Variants in ZDHHC15 observed in about 807,000 individuals in gnomAD.
ZDHHC15 encodes the protein zDHHC palmitoyltransferase 15, also known as palmitoyltransferase ZDHHC15.
Under a neutral mutation model 31.7 loss-of-function variants are expected in ZDHHC15, and 19 were observed. The ratio of observed to expected loss-of-function variants is 0.60; its 90% CI spans 0.42 to 0.88. ZDHHC15 has a LOEUF of 0.88. ZDHHC15 is among the 40% of genes least tolerant of loss of function. The pLI, the probability that ZDHHC15 is intolerant of heterozygous loss-of-function variation, is 0.00. For synonymous variants in ZDHHC15, 103 were observed against 90.0 expected (o/e 1.14, Z -0.82); for missense variants, 209 against 251.2 (o/e 0.83, Z 1.14).
At chrX:75,383,106 T>C (rs2083134453) in intron 10 of ZDHHC15, among the ~76,000 whole-genome samples, 1 of 111,823 alleles carries the variant, frequency 8.9e-6, no homozygotes, top group East Asian at 2.8e-4. Flanking sequence ...GTGGTATAGT[T>C]GTTAAAAGAG....
At chrX:75,494,370 A>G (rs1270473126) in intron 2 of ZDHHC15, among the ~76,000 whole-genome samples, 1 of 111,532 alleles carries the variant, frequency 9.0e-6, no homozygotes, top group Non-Finnish European at 1.9e-5. Flanking sequence ...AAGGTAATTT[A>G]CAGATTCAAT....
At chrX:75,480,677 T>A (rs1210875221) in intron 2 of ZDHHC15, among the ~76,000 whole-genome samples, 2 of 111,299 alleles carry the variant, frequency 1.8e-5, no homozygotes, top group Non-Finnish European at 3.8e-5. Flanking sequence ...CGATACACAC[T>A]GTTTTGTACC....
At chrX:75,479,067 T>C in intron 2 of ZDHHC15, 82 bp from the exon 3 acceptor site, 4 of 608,071 alleles carry the variant, frequency 6.6e-6, no homozygotes, top group Non-Finnish European at 7.3e-6. Context: ...CCATGACGAA[T>C]TTTTATTGTT....
intron 4 of ZDHHC15, 150 bp downstream of exon 4, chrX:75,450,652 A>T (rs1307907593): frequency 5.3e-6 from 6 of 1,134,293 alleles, no homozygotes; most frequent in Non-Finnish European, 5.9e-6. Context: ...TGTGTTTAAA[A>T]TTTTTTAGAA....
intron 2 of ZDHHC15, among the ~76,000 whole-genome samples, chrX:75,499,662 T>C: frequency 8.9e-6 from 1 of 111,859 alleles, no homozygotes; most frequent in Non-Finnish European, 1.9e-5. Context: ...AGGGAACACT[T>C]TTACACTGCT....
At chrX:75,376,869 A>G (rs2083065380) in intron 11 of ZDHHC15, among the ~76,000 whole-genome samples, 1 of 111,591 alleles carries the variant, frequency 9.0e-6, no homozygotes, top group Non-Finnish European at 1.9e-5. Context: ...TTATGGCAAT[A>G]ATTTTTTATA....
intron 9 of ZDHHC15, 39 bp downstream of exon 9, chrX:75,421,825 G>T: frequency 8.3e-7 from 1 of 1,198,877 alleles, no homozygotes; most frequent in Non-Finnish European, 1.1e-6. Context: ...TCAAGGCAGG[G>T]TCCAGTACTA....
intron 2 of ZDHHC15, among the ~76,000 whole-genome samples, chrX:75,503,117 C>T (rs1462078371): frequency 9.1e-6 from 1 of 109,914 alleles, no homozygotes; most frequent in Non-Finnish European, 1.9e-5. Flanking sequence ...TAAATATATA[C>T]ACCTACTATC....
At chrX:75,491,341 T>C (rs200393681) in intron 2 of ZDHHC15, among the ~76,000 whole-genome samples, 4 of 108,168 alleles carry the variant, frequency 3.7e-5, no homozygotes, top group South Asian at 8.4e-4. Context: ...ATGGATGAAA[T>C]TGGAAATCAT....
chrX:75,391,573 G>A (rs767293450), intron 10 of ZDHHC15, among the ~76,000 whole-genome samples: 125 of 112,056 alleles, frequency 1.1e-3, no homozygotes, highest in African/African-American at 3.9e-3. Flanking sequence ...TTAAAGTGTT[G>A]AAGGAATAAA....
intron 3 of ZDHHC15, among the ~76,000 whole-genome samples, chrX:75,474,752 T>A (rs760185387): frequency 2.7e-5 from 3 of 110,176 alleles, no homozygotes; most frequent in Non-Finnish European, 5.7e-5. Context: ...AAATTGAAAT[T>A]ATTTTTTAAA....
rs1426659119 is a variant in ZDHHC15 at position 75,492,018 on chromosome X, C to A, written c.164-13033G>T. Among the ~76,000 whole-genome samples the A allele has an allele frequency of 5.4e-5, 6 of 111,294 alleles. No homozygotes were observed. The East Asian group carries it at 1.7e-3, about 31-fold the overall frequency. On this transcript the variant is annotated intron_variant, in intron 2 of 11. Transcript: ENST00000373367. ...TGGCAAAGTGGATAAAGAGTCAAGA[C>A]CCATCAGTGTGCTGTATTCAGGAAA...
intron 10 of ZDHHC15, chrX:75,384,480 G>A (rs1421346257): frequency 1.3e-6 from 1 of 742,799 alleles, no homozygotes; most frequent in Non-Finnish European, 2.1e-6. Context: ...TCAAGGGAAT[G>A]GGTACTGTTC....
intron 2 of ZDHHC15, among the ~76,000 whole-genome samples, chrX:75,495,265 A>T: frequency 8.9e-6 from 1 of 111,913 alleles, no homozygotes; most frequent in Non-Finnish European, 1.9e-5. Context: ...GGCGATCATT[A>T]AAAAGTCAGG....
At chrX:75,429,489 A>G (rs2083752695) in intron 6 of ZDHHC15, among the ~76,000 whole-genome samples, 1 of 111,866 alleles carries the variant, frequency 8.9e-6, no homozygotes, top group Non-Finnish European at 1.9e-5. Context: ...CTAAAAATGT[A>G]TTACAGTTTT....
At chrX:75,490,593 T>C (rs947649090) in intron 2 of ZDHHC15, among the ~76,000 whole-genome samples, 6 of 111,753 alleles carry the variant, frequency 5.4e-5, no homozygotes, top group Non-Finnish European at 1.1e-4. Flanking sequence ...GTATGGCAAT[T>C]TTCATGATAC....
At chrX:75,491,597 C>A (rs2084894273) in intron 2 of ZDHHC15, among the ~76,000 whole-genome samples, 1 of 109,115 alleles carries the variant, frequency 9.2e-6, no homozygotes, top group Non-Finnish European at 1.9e-5. Flanking sequence ...GCACATTGTG[C>A]ACGTGTACCT....
chrX:75,455,886 T>A, intron 3 of ZDHHC15, among the ~76,000 whole-genome samples: 1 of 111,924 alleles, frequency 8.9e-6, no homozygotes, highest in Non-Finnish European at 1.9e-5. Flanking sequence ...GAAATATGAA[T>A]GCTTTTACAC....
In ZDHHC15 at chrX:75,421,825, G is replaced by A. The variant is rs762100148; in HGVS notation, c.863+39C>T. On this transcript the variant is annotated intron_variant, in intron 9 of 11. Coordinates refer to ENST00000373367, the MANE Select transcript of ZDHHC15 (RefSeq NM_144969.3). ...ATTGAATTTGCTGGTTCAAGGCAGG[G>A]TCCAGTACTAACTTCTTCCAGTGGT... is the stretch of plus-strand genomic sequence containing the variant. The A allele has an allele frequency of 3.3e-6, 4 of 1,198,879 alleles. No individual in the cohort carries two copies. In the African/African-American group the frequency reaches 5.3e-5, roughly 16 times the overall value.
Sources: gnomAD v4.1 joint callset for allele counts (sites outside exome capture counted in the v4.1 genomes callset) on GRCh38, gnomAD v4.1.1 for gene constraint, MANE v1.5 for transcripts, NCBI Gene and HGNC (gene_info 2026-07-23, HGNC 2026-07-21) for gene names.